Variants in ZBTB20 observed in about 807,000 individuals in gnomAD.
The protein encoded by ZBTB20 is zinc finger and BTB domain-containing protein 20.
Under a neutral mutation model 56.9 loss-of-function variants are expected in ZBTB20, and 9 were observed. That is an observed-to-expected ratio of 0.16 (90% confidence interval 0.10 to 0.28). The LOEUF (loss-of-function observed/expected upper bound fraction) is 0.28. Among genes scored for constraint, ZBTB20 ranks in the 10% least tolerant of loss-of-function variants. ZBTB20 has a pLI of 1.00. For missense variants in ZBTB20, 655 were observed against 1,003.0 expected (o/e 0.65, Z 4.69); for synonymous variants, 417 against 420.7 (o/e 0.99, Z 0.11).
At chr3:114,372,344 C>T (rs780161094) in intron 10 of ZBTB20, among the ~76,000 whole-genome samples, 13 of 152,156 alleles carry the variant, frequency 8.5e-5, no homozygotes, top group Non-Finnish European at 1.9e-4. Flanking sequence ...TATCTATGCA[C>T]TGTTTGGGAG....
intron 6 of ZBTB20, among the ~76,000 whole-genome samples, chr3:114,558,848 A>G (rs982112250): frequency 1.3e-5 from 2 of 152,166 alleles, no homozygotes; most frequent in African/African-American, 4.8e-5. Context: ...CTGACCTGTC[A>G]TAATTCACAT....
intron 6 of ZBTB20, among the ~76,000 whole-genome samples, chr3:114,581,271 C>A (rs1304212396): frequency 6.6e-6 from 1 of 151,484 alleles, no homozygotes; most frequent in Non-Finnish European, 1.5e-5. Context: ...AAAAATAATT[C>A]CAGAAGGATT....
At chr3:114,951,435 T>G (rs1158498703) in intron 3 of ZBTB20, among the ~76,000 whole-genome samples, 1 of 152,112 alleles carries the variant, frequency 6.6e-6, no homozygotes, top group South Asian at 2.1e-4. Context: ...GGTTACAAAA[T>G]TCTGGGCTCA....
chr3:115,106,397 C>G (rs1280901864), intron 1 of ZBTB20, among the ~76,000 whole-genome samples: 2 of 151,534 alleles, frequency 1.3e-5, no homozygotes, highest in African/African-American at 4.9e-5. Flanking sequence ...CCACGCCCAG[C>G]TAATTTTTTG....
chr3:114,805,105 G>C (rs1281209669), intron 4 of ZBTB20, among the ~76,000 whole-genome samples: 1 of 151,868 alleles, frequency 6.6e-6, no homozygotes, highest in Non-Finnish European at 1.5e-5. Flanking sequence ...TGATAGTACA[G>C]AGAGTACCCA....
intron 5 of ZBTB20, among the ~76,000 whole-genome samples, chr3:114,697,292 G>A (rs1057324078): frequency 2.0e-5 from 3 of 151,740 alleles, no homozygotes; most frequent in Non-Finnish European, 4.4e-5. Flanking sequence ...AAATGTTGTT[G>A]GTTTTTCACA....
At chr3:114,855,706 G>A (rs529233052) in intron 4 of ZBTB20, among the ~76,000 whole-genome samples, 91 of 152,170 alleles carry the variant, frequency 6.0e-4, no homozygotes, top group Non-Finnish European at 1.1e-3. Flanking sequence ...GCTTCCTCCA[G>A]AACCCTGTAG....
intron 2 of ZBTB20, among the ~76,000 whole-genome samples, chr3:115,000,951 GC>G (rs1160536916): frequency 2.6e-5 from 4 of 151,362 alleles, no homozygotes; most frequent in African/African-American, 7.3e-5. Flanking sequence ...ATCAATACTA[GC>G]AGGGACATGC....
At chr3:114,473,309 G>A (rs534388194) in intron 7 of ZBTB20, among the ~76,000 whole-genome samples, 1 of 152,126 alleles carries the variant, frequency 6.6e-6, no homozygotes, top group African/African-American at 2.4e-5. Flanking sequence ...AAAATATATT[G>A]TCCTCCTAAT....
At chr3:115,105,136 T>C (rs556973700) in intron 1 of ZBTB20, among the ~76,000 whole-genome samples, 4 of 151,590 alleles carry the variant, frequency 2.6e-5, no homozygotes, top group Non-Finnish European at 5.9e-5. Context: ...TTTCAGTTTC[T>C]TCCTATGCTA....
intron 4 of ZBTB20, among the ~76,000 whole-genome samples, chr3:114,852,266 A>AT (rs869154451): frequency 2.0e-5 from 3 of 149,554 alleles, no homozygotes; most frequent in Non-Finnish European, 3.0e-5. Context: ...ATTTTATTTT[A>AT]TTTATTTTAT....
intron 2 of ZBTB20, among the ~76,000 whole-genome samples, chr3:115,034,996 A>G (rs920630474): frequency 6.6e-6 from 1 of 152,126 alleles, no homozygotes; most frequent in Non-Finnish European, 1.5e-5. Flanking sequence ...GTGATTGGGA[A>G]AAGTGGGTAT....
intron 6 of ZBTB20, among the ~76,000 whole-genome samples, chr3:114,572,574 G>C (rs1385802348): frequency 6.6e-6 from 1 of 152,190 alleles, no homozygotes; most frequent in Non-Finnish European, 1.5e-5. Flanking sequence ...AGGCCTGAGG[G>C]AGAGAGAGTA....
rs547644410 is a variant in ZBTB20 at position 114,602,394 on chromosome 3, C to T, written c.-295+91134G>A. Among the ~76,000 whole-genome samples the T allele has an allele frequency of 3.1e-4, 47 of 152,102 alleles. 1 individual carries two copies. Among genetic ancestry groups the T allele is most frequent in the Middle Eastern group, 6.8e-3 (2 of 294 alleles). On this transcript the variant is annotated intron_variant, in intron 6 of 11. Coordinates refer to ENST00000675478, the MANE Select transcript of ZBTB20 (RefSeq NM_001348800.3). ...TGATACAGAAAGTCATTATAGTATA[C>T]GTGGAACTCTGAGATCTCCTTACAC...
intron 6 of ZBTB20, among the ~76,000 whole-genome samples, chr3:114,578,618 C>T (rs2054330731): frequency 6.6e-6 from 1 of 151,690 alleles, no homozygotes; most frequent in Non-Finnish European, 1.5e-5. Context: ...ATAGATTTCT[C>T]TTAATTAAGA....
intron 6 of ZBTB20, among the ~76,000 whole-genome samples, chr3:114,653,109 A>G (rs2060216554): frequency 6.6e-6 from 1 of 151,886 alleles, no homozygotes; most frequent in Non-Finnish European, 1.5e-5. Flanking sequence ...TTCCTTTCCT[A>G]TGCTTATACC....
intron 2 of ZBTB20, among the ~76,000 whole-genome samples, chr3:114,988,223 T>C (rs1483648568): frequency 6.6e-6 from 1 of 150,840 alleles, no homozygotes; most frequent in Non-Finnish European, 1.5e-5. Context: ...ATTAGGTATA[T>C]CTCCTAATGC....
intron 5 of ZBTB20, among the ~76,000 whole-genome samples, chr3:114,707,520 C>G (rs138679864): frequency 1.6e-3 from 237 of 152,278 alleles, no homozygotes; most frequent in African/African-American, 5.1e-3. Flanking sequence ...CCATTGTGCT[C>G]ACAAGAAAAT....
Position 114,322,999 on chromosome 3 carries a change from T to C in ZBTB20, c.*16006A>G, listed in dbSNP as rs1205931152. The C allele has an allele frequency of 6.6e-6, 1 of 152,188 alleles. No homozygotes were observed. Among genetic ancestry groups the C allele is most frequent in the African/African-American group, 2.4e-5 (1 of 41,444 alleles). The allele number at this position is 152,188 out of a possible 1,614,324, so 9.4% of individuals were successfully genotyped here. On this transcript the variant is annotated 3_prime_UTR_variant, in exon 12 of 12. Coordinates refer to ENST00000675478, the MANE Select transcript of ZBTB20 (RefSeq NM_001348800.3). ...TATGGGTTGTGATCCTTTCCTACTGTGCCAGAACCTTCAAAACTGTCACTT... is the reference window on the plus strand; with the variant it reads ...TATGGGTTGTGATCCTTTCCTACTGCGCCAGAACCTTCAAAACTGTCACTT...
Sources: gnomAD v4.1 joint callset for allele counts (sites outside exome capture counted in the v4.1 genomes callset) on GRCh38, gnomAD v4.1.1 for gene constraint, MANE v1.5 for transcripts, NCBI Gene and HGNC (gene_info 2026-07-23, HGNC 2026-07-21) for gene names.